FREM3: variants seen among roughly 807,000 people sequenced by gnomAD.
FREM3 encodes the protein FRAS1 related extracellular matrix 3.
A neutral mutation model predicts 129.1 loss-of-function variants in FREM3; 105 were observed. The ratio of observed to expected loss-of-function variants is 0.81; its 90% CI spans 0.69 to 0.96. The LOEUF (loss-of-function observed/expected upper bound fraction) is 0.96. Among genes scored for constraint, FREM3 ranks in the 40% least tolerant of loss-of-function variants. The pLI is 0.00. For missense variants in FREM3, 2,593 were observed against 2,666.3 expected (o/e 0.97, Z 0.61); for synonymous variants, 1,014 against 1,044.9 (o/e 0.97, Z 0.57).
intron 5 of FREM3, among the ~76,000 whole-genome samples, chr4:143,616,800 A>G (rs1738859691): frequency 1.3e-5 from 2 of 152,236 alleles, no homozygotes; most frequent in South Asian, 4.2e-4. Flanking sequence ...CTCAAAAAAA[A>G]AAAGGAAGAA....
chr4:143,676,785 A>C (rs1447676539), intron 2 of FREM3, among the ~76,000 whole-genome samples: 1 of 152,228 alleles, frequency 6.6e-6, no homozygotes, highest in Non-Finnish European at 1.5e-5. Context: ...GTGAACTCCT[A>C]TTCACAATTG....
Position 143,699,322 on chromosome 4 carries a change from A to C in FREM3, c.1354T>G (p.Ser452Ala). ...VLFEGQSRPLSSTHSIPISDK... is the reference protein window; with the variant it reads ...VLFEGQSRPLASTHSIPISDK... ...CTGATAGGAATGCTGTGGGTGCTGG[A>C]CAAGGGCCTTGACTGACCTTCAAAA... Residue 452 changes from serine to alanine, a missense_variant, in exon 1 of 8, where the codon TCC becomes GCC. Physicochemically the swap from Ser to Ala is moderately conservative, Grantham distance 99 (BLOSUM62 1). Transcript: ENST00000329798. The surrounding 1 kb of genome is among the most constrained non-coding windows in gnomAD (Gnocchi z 4.2). The C allele has an allele frequency of 6.5e-7, 1 of 1,537,274 alleles. No homozygotes were observed. The highest frequency in any genetic ancestry group is 1.4e-5 in the African/African-American group (1 of 73,142).
intron 2 of FREM3, among the ~76,000 whole-genome samples, chr4:143,643,163 T>C (rs1739351732): frequency 6.6e-6 from 1 of 152,148 alleles, no homozygotes; most frequent in Non-Finnish European, 1.5e-5. Context: ...TTACTGCTGG[T>C]AGGAATATAA....
intron 2 of FREM3, among the ~76,000 whole-genome samples, chr4:143,636,860 A>G (rs41355648): frequency 0.098 from 14,989 of 152,208 alleles, 829 homozygotes; most frequent in South Asian, 0.12. Context: ...ATAAAGTGGC[A>G]GCCACTGTCA....
chr4:143,645,685 G>A (rs891475807), intron 2 of FREM3, among the ~76,000 whole-genome samples: 6 of 152,108 alleles, frequency 3.9e-5, no homozygotes, highest in African/African-American at 9.7e-5. Context: ...TACAGATTTT[G>A]TATCTGCTAG....
chr4:143,697,672 A>G lies in FREM3; in HGVS notation c.3004T>C (p.Leu1002=). The change falls in exon 1 of 8, where the codon TTG becomes CTG. Residue 1002 remains leucine (L), a synonymous_variant. Transcript: ENST00000329798. The part of the protein sequence containing the change: ...PKLGTILVNG[L]PTERFTQEDL... Reference sequence around the variant, plus strand: ...TCTTGGGTGAATCGTTCTGTGGGCAAACCATTTACCAGAATAGTGCCCAGT... The same window carrying G: ...TCTTGGGTGAATCGTTCTGTGGGCAGACCATTTACCAGAATAGTGCCCAGT... 1 of 1,537,852 alleles carries G rather than the reference A, an allele frequency of 6.5e-7. No homozygotes were observed. Among genetic ancestry groups the G allele is most frequent in the Non-Finnish European group, 8.7e-7 (1 of 1,147,048 alleles).
At chr4:143,579,221 A>G (rs1738092704) in intron 7 of FREM3, among the ~76,000 whole-genome samples, 1 of 152,174 alleles carries the variant, frequency 6.6e-6, no homozygotes, top group Non-Finnish European at 1.5e-5. Flanking sequence ...TGGGAGGCCG[A>G]TGTGAGCAGA....
At chr4:143,674,159 G>A (rs751870694) in intron 2 of FREM3, among the ~76,000 whole-genome samples, 7 of 152,096 alleles carry the variant, frequency 4.6e-5, no homozygotes, top group South Asian at 4.2e-4. Flanking sequence ...TGGAAATGCA[G>A]AAATCACCCA....
intron 4 of FREM3, 139 bp downstream of exon 4, chr4:143,623,969 A>C (rs887815951): frequency 2.3e-5 from 14 of 604,946 alleles, no homozygotes; most frequent in South Asian, 4.1e-5. Flanking sequence ...ATTGTCTATA[A>C]AGTAATTTAC....
chr4:143,660,679 T>TG (rs1295971309), intron 2 of FREM3, among the ~76,000 whole-genome samples: 5 of 152,262 alleles, frequency 3.3e-5, no homozygotes, highest in Non-Finnish European at 7.4e-5. Flanking sequence ...TTGGGCAGTA[T>TG]GGCCATTTTC....
At chr4:143,614,868 A>C (rs1738817728) in intron 5 of FREM3, among the ~76,000 whole-genome samples, 1 of 152,200 alleles carries the variant, frequency 6.6e-6, no homozygotes, top group African/African-American at 2.4e-5. Context: ...GGTGCACAGA[A>C]TCAGCTTTCA....
intron 6 of FREM3, among the ~76,000 whole-genome samples, chr4:143,591,138 T>C (rs1431463150): frequency 6.6e-6 from 1 of 152,210 alleles, no homozygotes; most frequent in Non-Finnish European, 1.5e-5. Context: ...TTTTCTTCTT[T>C]ATTGGTCTTG....
At chr4:143,605,941 G>A (rs1227558190) in intron 6 of FREM3, among the ~76,000 whole-genome samples, 1 of 152,114 alleles carries the variant, frequency 6.6e-6, no homozygotes, top group Non-Finnish European at 1.5e-5. Context: ...ATTGGCTCAT[G>A]GTTCTTTTTT....
At chr4:143,693,057 T>C (rs1740501159) in intron 2 of FREM3, 56 bp downstream of exon 2, 1 of 941,548 alleles carries the variant, frequency 1.1e-6, no homozygotes. Flanking sequence ...TTTTTTCCAA[T>C]TTTATGTTGA....
intron 2 of FREM3, among the ~76,000 whole-genome samples, chr4:143,674,022 C>T (rs11736055): frequency 0.24 from 37,123 of 152,206 alleles, 5,625 homozygotes; most frequent in South Asian, 0.33. Flanking sequence ...AAGGAATTCC[C>T]TGACCCCTTG....
chr4:143,610,555 A>G (rs567364690), intron 6 of FREM3, among the ~76,000 whole-genome samples: 1 of 152,268 alleles, frequency 6.6e-6, no homozygotes, highest in African/African-American at 2.4e-5. Flanking sequence ...ACTCACAGCC[A>G]CTCAAATCCT....
At chr4:143,645,282 C>T (rs1448766709) in intron 2 of FREM3, 1 of 152,174 alleles carries the variant, frequency 6.6e-6, no homozygotes. Context: ...CACCAATTTA[C>T]TCTGATTGAA....
chr4:143,650,622 C>T (rs1327735836), intron 2 of FREM3, among the ~76,000 whole-genome samples: 1 of 152,200 alleles, frequency 6.6e-6, no homozygotes, highest in Non-Finnish European at 1.5e-5. Flanking sequence ...TCCTGAGTAA[C>T]TGGGACTGTA....
chr4:143,586,815 A>G (rs184287590), intron 6 of FREM3, among the ~76,000 whole-genome samples: 1 of 152,212 alleles, frequency 6.6e-6, no homozygotes, highest in Non-Finnish European at 1.5e-5. Flanking sequence ...ATGTACTGTC[A>G]TGAAAAAGAT....
Sources: gnomAD v4.1 joint callset for allele counts (sites outside exome capture counted in the v4.1 genomes callset) on GRCh38, gnomAD v4.1.1 for gene constraint, Gnocchi (gnomAD v3.1) non-coding constraint, MANE v1.5 for transcripts, NCBI Gene and HGNC (gene_info 2026-07-23, HGNC 2026-07-21) for gene names.